PTPRN2: variants seen among roughly 807,000 people sequenced by gnomAD.
PTPRN2 encodes protein tyrosine phosphatase receptor type N2.
PTPRN2 carries 74 observed loss-of-function variants against 118.8 expected under a neutral mutation model. The observed-to-expected ratio is 0.62, with a 90% CI of 0.52 to 0.76. The LOEUF is 0.76. PTPRN2 is among the 30% of genes least tolerant of loss of function. The pLI is 0.00. For synonymous variants in PTPRN2, 641 were observed against 608.0 expected (o/e 1.05, Z -0.80); for missense variants, 1,481 against 1,394.4 (o/e 1.06, Z -0.99).
intron 11 of PTPRN2, among the ~76,000 whole-genome samples, chr7:157,981,654 C>T (rs1803160211): frequency 6.6e-6 from 1 of 152,144 alleles, no homozygotes; most frequent in Non-Finnish European, 1.5e-5. Context: ...TTAATGACTT[C>T]AATGTATCAA....
At chr7:158,428,415 G>T (rs1051112469) in intron 2 of PTPRN2, among the ~76,000 whole-genome samples, 1 of 152,116 alleles carries the variant, frequency 6.6e-6, no homozygotes, top group Non-Finnish European at 1.5e-5. Flanking sequence ...GTGTGCCACC[G>T]CACAGAAACT....
chr7:158,097,628 C>T lies in PTPRN2; in HGVS notation c.1643+13201G>A, dbSNP rs903044274. On this transcript the variant is annotated intron_variant, in intron 10 of 22. Coordinates refer to ENST00000389418, the MANE Select transcript of PTPRN2 (RefSeq NM_002847.5). ...GCATCCTTTTTCCCAGGAGCACTGC[C>T]CACCTCCCCGAGATTCCGCGGAAGG... Among the ~76,000 whole-genome samples the T allele has an allele frequency of 5.9e-5, 9 of 152,282 alleles. No individual in the cohort carries two copies. The South Asian group carries it at 1.7e-3, about 28-fold the overall frequency.
At chr7:157,575,928 C>T (rs903747423) in intron 19 of PTPRN2, among the ~76,000 whole-genome samples, 1 of 152,204 alleles carries the variant, frequency 6.6e-6, no homozygotes, top group African/African-American at 2.4e-5. Context: ...ATTCACTAAG[C>T]ACCACCACCT....
chr7:157,670,559 C>A (rs1488699880), intron 13 of PTPRN2, among the ~76,000 whole-genome samples: 1 of 152,176 alleles, frequency 6.6e-6, no homozygotes, highest in Non-Finnish European at 1.5e-5. Flanking sequence ...CACCTTTAAC[C>A]CACGATGCCT....
At chr7:158,350,893 A>C (rs996515231) in intron 2 of PTPRN2, among the ~76,000 whole-genome samples, 1 of 152,220 alleles carries the variant, frequency 6.6e-6, no homozygotes, top group African/African-American at 2.4e-5. Context: ...GTTGGAATAC[A>C]AATCAATTTG....
intron 11 of PTPRN2, among the ~76,000 whole-genome samples, chr7:158,077,888 GC>G (rs561908315): frequency 1.4e-4 from 22 of 152,264 alleles, no homozygotes; most frequent in Non-Finnish European, 2.9e-4. Flanking sequence ...TTTCTCTTCT[GC>G]CAGTTCAACT....
chr7:158,234,756 G>T (rs893829198), intron 3 of PTPRN2, among the ~76,000 whole-genome samples: 14 of 152,260 alleles, frequency 9.2e-5, no homozygotes, highest in African/African-American at 2.6e-4. Context: ...TCCCACTCCC[G>T]TTAAAATGGC....
intron 12 of PTPRN2, among the ~76,000 whole-genome samples, chr7:157,781,488 G>A (rs1803678541): frequency 6.6e-6 from 1 of 152,166 alleles, no homozygotes; most frequent in Non-Finnish European, 1.5e-5. Context: ...TTCTGGGTCT[G>A]CTCTCAGACT....
intron 14 of PTPRN2, among the ~76,000 whole-genome samples, chr7:157,637,477 G>A (rs1804389182): frequency 6.6e-6 from 1 of 152,134 alleles, no homozygotes; most frequent in Non-Finnish European, 1.5e-5. Context: ...GGGGAGTGGC[G>A]GTTTCCGTAA....
Position 157,801,119 on chromosome 7 carries a change from C to A in PTPRN2, c.1788+97554G>T. 6.6e-6 allele frequency among the ~76,000 whole-genome samples: 1 copy of A among 150,762 alleles called. No individual in the cohort carries two copies. Among genetic ancestry groups the A allele is most frequent in the Middle Eastern group, 3.4e-3 (1 of 290 alleles). The stretch of plus-strand genomic sequence containing the variant: ...TATATATGCACATATATATGAATAC[C>A]CAATACCCAATCCACAGCTTTCTCT... On this transcript the variant is annotated intron_variant, in intron 12 of 22. Transcript: ENST00000389418. The surrounding 1 kb of genome is among the most constrained non-coding windows in gnomAD (Gnocchi z 4.2).
At chr7:157,832,710 T>G (rs1807648444) in intron 12 of PTPRN2, among the ~76,000 whole-genome samples, 2 of 152,220 alleles carry the variant, frequency 1.3e-5, no homozygotes, top group South Asian at 4.1e-4. Context: ...ATGCTTCGCG[T>G]GGGAATCTGG....
chr7:158,392,799 G>A (rs910431196), intron 2 of PTPRN2, among the ~76,000 whole-genome samples: 9 of 152,186 alleles, frequency 5.9e-5, no homozygotes, highest in Non-Finnish European at 8.8e-5. Context: ...GGACCATCCT[G>A]CTCTGGTTAT....
chr7:158,097,859 CA>C (rs1328697357), intron 10 of PTPRN2, among the ~76,000 whole-genome samples: 1 of 152,256 alleles, frequency 6.6e-6, no homozygotes, highest in Non-Finnish European at 1.5e-5. Flanking sequence ...AGCACTTCCA[CA>C]AAACCGCAGG....
intron 5 of PTPRN2, among the ~76,000 whole-genome samples, chr7:158,185,725 T>C (rs937834574): frequency 6.6e-6 from 1 of 152,202 alleles, no homozygotes; most frequent in African/African-American, 2.4e-5. Context: ...CTAAGTTGCC[T>C]TCTTCGCCCA....
chr7:157,801,299 T>C lies in PTPRN2; in HGVS notation c.1788+97374A>G, dbSNP rs1405087536. Among the ~76,000 whole-genome samples the C allele has an allele frequency of 6.6e-6, 1 of 152,064 alleles. No individual in the cohort carries two copies. The highest frequency in any genetic ancestry group is 1.5e-5 in the Non-Finnish European group (1 of 68,010). On this transcript the variant is annotated intron_variant, in intron 12 of 22. Transcript: ENST00000389418. The surrounding 1 kb of genome is among the most constrained non-coding windows in gnomAD (Gnocchi z 4.2). ...TCGAGATCAGTCTCTCGACCCCTGT[T>C]AGGAGCAACGGCGGTGAGGCAGGAT...
In PTPRN2 at chr7:157,578,194, CAT is replaced by C. The variant is rs927964286; in HGVS notation, c.2497-56_2497-55del. The C allele has an allele frequency of 2.8e-5, 44 of 1,553,212 alleles. 1 individual carries two copies. In the African/African-American group the frequency reaches 4.3e-4, roughly 15 times the overall value. On this transcript the variant is annotated intron_variant, in intron 17 of 22. Transcript: ENST00000389418. ...GTGTGACTGTCTCATCACCGCGTGACATGTGTAATTACTGCACTCGGAAGCAC... is the reference window on the plus strand; with the variant it reads ...GTGTGACTGTCTCATCACCGCGTGACGTGTAATTACTGCACTCGGAAGCAC...
chr7:158,406,905 C>T (rs1237790267), intron 2 of PTPRN2, among the ~76,000 whole-genome samples: 3 of 152,228 alleles, frequency 2.0e-5, no homozygotes, highest in Admixed American at 6.5e-5. Context: ...TATCTCTCAA[C>T]ATGGAATCAG....
At chr7:158,348,945 A>G (rs1807741138) in intron 2 of PTPRN2, among the ~76,000 whole-genome samples, 1 of 116,916 alleles carries the variant, frequency 8.6e-6, no homozygotes, top group Non-Finnish European at 1.7e-5. Context: ...GTGGTCCCTG[A>G]GGGCAGTGCT....
chr7:158,320,333 C>T lies in PTPRN2; in HGVS notation c.164-3401G>A, dbSNP rs147388912. Among the ~76,000 whole-genome samples the T allele has an allele frequency of 1.1e-3, 171 of 152,330 alleles. 1 individual carries two copies. Among genetic ancestry groups the T allele is most frequent in the Admixed American group, 5.9e-3 (90 of 15,304 alleles). On this transcript the variant is annotated intron_variant, in intron 2 of 22. Coordinates refer to ENST00000389418, the MANE Select transcript of PTPRN2 (RefSeq NM_002847.5). ...GAGTATGCTTAGTTTTGTAGGAAAC[C>T]GCCAAACTGTCCTCCATGGTGACAA...
Sources: allele counts gnomAD v4.1 joint callset (sites outside exome capture counted in the v4.1 genomes callset), GRCh38; gene constraint gnomAD v4.1.1; non-coding constraint Gnocchi (gnomAD v3.1); transcripts MANE v1.5; gene names NCBI Gene and HGNC (gene_info 2026-07-23, HGNC 2026-07-21).